CYP2A7: variants seen among roughly 807,000 people sequenced by gnomAD.
CYP2A7 encodes cytochrome P450 2A7.
A neutral mutation model predicts 42.0 loss-of-function variants in CYP2A7; 36 were observed. The observed-to-expected ratio is 0.86, with a 90% confidence interval of 0.66 to 1.13. The LOEUF is 1.13. CYP2A7 is among the 50% of genes most tolerant of loss of function. The pLI, the probability that CYP2A7 is intolerant of heterozygous loss-of-function variation, is 0.00. For synonymous variants in CYP2A7, 260 were observed against 249.5 expected (o/e 1.04, Z -0.40); for missense variants, 661 against 634.1 (o/e 1.04, Z -0.46).
rs371177307 is a variant in CYP2A7, at chr19:40,880,102, C to T, written c.636G>A (p.Thr212=). The part of the protein sequence containing the change: ...LSMMLGIFQF[T]STSTGQLYEM... ...CAGTTACCTGCCCCGTGGAGGTTGA[C>T]GTGAACTGGAAGATTCCTAGCATCA... The change falls in exon 4 of 9, where the codon ACG becomes ACA. Residue 212 remains threonine, a synonymous_variant. Coordinates refer to ENST00000301146, the MANE Select transcript of CYP2A7 (RefSeq NM_000764.3). 77 of 1,612,740 alleles carry T rather than the reference C, an allele frequency of 4.8e-5. 4 individuals carry two copies. Among genetic ancestry groups the T allele is most frequent in the Non-Finnish European group, 6.3e-5 (74 of 1,179,204 alleles).
In CYP2A7 at chr19:40,880,490, C is replaced by G; in HGVS notation, c.482G>C (p.Arg161Pro). The stretch of plus-strand genomic sequence containing the variant: ...GGAACCTTACTCACCGTGCGTGCTC[C>G]GGATGGCCTCGATGAGGAAGCCCGA... ...EESGFLIEAI[R>P]STHGANIDPT... Residue 161 changes from arginine to proline, a missense_variant, in exon 3 of 9, where the codon CGG (arginine) becomes CCG (proline). By Grantham distance (103) the Arg-to-Pro change is moderately radical. Transcript: ENST00000301146. 1 of 1,612,510 alleles carries G rather than the reference C, an allele frequency of 6.2e-7. No homozygotes were observed. Among genetic ancestry groups the G allele is most frequent in the Non-Finnish European group, 8.5e-7 (1 of 1,178,946 alleles).
chr19:40,882,116 T>G lies in CYP2A7; in HGVS notation c.95A>C (p.Lys32Thr). 1 of 1,613,960 alleles carries G rather than the reference T, an allele frequency of 6.2e-7. No individual in the cohort carries two copies. Among genetic ancestry groups the G allele is most frequent in the Non-Finnish European group, 8.5e-7 (1 of 1,179,884 alleles). Residue 32 changes from lysine (K) to threonine (T), a missense_variant, in exon 1 of 9, where the codon AAG becomes ACG. Around this residue, in one of 3 missense-constraint regions of CYP2A7, gnomAD observed 614 missense variants for 552.4 expected, o/e 1.11. Coordinates refer to ENST00000301146, the MANE Select transcript of CYP2A7 (RefSeq NM_000764.3). ...SVWQQRKSRG[K>T]LPPGPTPLPF... Reference sequence around the variant, plus strand: ...CAGTGGGGTGGGTCCCGGAGGCAGCTTCCCCCTGCTCTTCCTCTGCTGCCA... The same window carrying G: ...CAGTGGGGTGGGTCCCGGAGGCAGCGTCCCCCTGCTCTTCCTCTGCTGCCA...
intron 4 of CYP2A7, among the ~76,000 whole-genome samples, chr19:40,879,814 T>C (rs969139286): frequency 4.0e-4 from 60 of 150,440 alleles, no homozygotes; most frequent in African/African-American, 1.4e-3. Context: ...TTACGGTAAG[T>C]TGGGGATGGG....
In CYP2A7 at chr19:40,877,928, G is replaced by T; in HGVS notation, c.897C>A (p.Phe299Leu). 6.2e-7 allele frequency: 1 copy of T among 1,612,710 alleles called. No homozygotes were observed. The highest frequency in any genetic ancestry group is 8.5e-7 in the Non-Finnish European group (1 of 1,179,112). Residue 299 changes from phenylalanine (F) to leucine (L), a missense_variant, in exon 6 of 9, where the codon TTC becomes TTA. This residue lies in a region of CYP2A7 where 614 missense variants were observed against 552.4 expected (regional missense o/e 1.11). Coordinates refer to ENST00000301146, the MANE Select transcript of CYP2A7 (RefSeq NM_000764.3). ...KNLMMSTLNL[F>L]IAGTETVSTT... ...TGCTGACCGTCTCGGTGCCTGCAAT[G>T]AAGAGGTTCAACGTGCTCATCATCA...
intron 5 of CYP2A7, among the ~76,000 whole-genome samples, chr19:40,878,199 T>G (rs747377632): frequency 6.6e-6 from 1 of 151,602 alleles, no homozygotes; most frequent in Non-Finnish European, 1.5e-5. Flanking sequence ...TTCTTTACGT[T>G]GCTGACCATC....
chr19:40,878,277 C>A (rs1967581227), intron 5 of CYP2A7, among the ~76,000 whole-genome samples: 1 of 151,712 alleles, frequency 6.6e-6, no homozygotes, highest in South Asian at 2.1e-4. Flanking sequence ...TGCTAAGTTG[C>A]ACAGGCTGGA....
At chr19:40,880,850 A>AGG in intron 2 of CYP2A7, among the ~76,000 whole-genome samples, 1 of 108,070 alleles carries the variant, frequency 9.3e-6, no homozygotes, top group South Asian at 2.8e-4. Context: ...AGAGAGAGAG[A>AGG]GAGAGAGAGA....
chr19:40,876,294 G>A (rs890129797), intron 8 of CYP2A7: 14 of 655,782 alleles, frequency 2.1e-5, no homozygotes, highest in Middle Eastern at 4.3e-4. Flanking sequence ...GGAATCTGCT[G>A]TGTGACCCTA....
rs370933740 is a variant in CYP2A7 at position 40,876,536 on chromosome 19, A to G, written c.1294T>C (p.Phe432Leu). ...QFKKSDAFVP[F>L]SIGKRNCFGE... Reference sequence around the variant, plus strand: ...AACAGTGGTCTCTTACCGATGGAAAAGGGCACAAAAGCATCACTCTTCTTA... The same window carrying G: ...AACAGTGGTCTCTTACCGATGGAAAGGGGCACAAAAGCATCACTCTTCTTA... The change falls in exon 8 of 9, where the codon TTT (phenylalanine) becomes CTT (leucine). Residue 432 changes from phenylalanine to leucine, a missense_variant. Coordinates refer to ENST00000301146, the MANE Select transcript of CYP2A7 (RefSeq NM_000764.3). The G allele has an allele frequency of 6.8e-6, 11 of 1,612,822 alleles. No homozygotes were observed. The highest frequency in any genetic ancestry group is 9.3e-6 in the Non-Finnish European group (11 of 1,179,184).
chr19:40,881,489 G>T (rs1383948530), intron 2 of CYP2A7, 100 bp downstream of exon 2: 4 of 1,572,424 alleles, frequency 2.5e-6, no homozygotes, highest in Non-Finnish European at 2.6e-6. Flanking sequence ...CGGGGGTTCT[G>T]CCATAGCCTC....
intron 2 of CYP2A7, 115 bp downstream of exon 2, chr19:40,881,474 C>G: frequency 6.5e-7 from 1 of 1,544,850 alleles, no homozygotes; most frequent in African/African-American, 1.4e-5. Context: ...GAGATAAGAC[C>G]AGACCGGGGG....
Position 40,875,858 on chromosome 19 carries a change from G to C in CYP2A7, c.1320C>G (p.Phe440Leu), listed in dbSNP as rs529128750. 2.0e-5 allele frequency: 31 copies of C among 1,557,952 alleles called. No homozygotes were observed. The African/African-American group carries it at 3.0e-4, about 15-fold the overall frequency. Residue 440 changes from phenylalanine to leucine, a missense_variant, in exon 9 of 9, where the codon TTC (phenylalanine) becomes TTG (leucine). Coordinates refer to ENST00000301146, the MANE Select transcript of CYP2A7 (RefSeq NM_000764.3). ...GCTCCATTCTGGCCAGGCCTTCTCC[G>C]AAACAGTTCCGCTTTCCTGAGGAGG... ...VPFSIGKRNC[F>L]GEGLARMELF...
rs376820255 is a variant in CYP2A7 at position 40,880,479 on chromosome 19, C to T, written c.493G>A (p.Gly165Ser). The T allele has an allele frequency of 1.2e-5, 19 of 1,612,330 alleles. 1 individual carries two copies. Among genetic ancestry groups the T allele is most frequent in the African/African-American group, 4.0e-5 (3 of 74,846 alleles). Residue 165 changes from glycine to serine, a missense_variant and splice_region_variant, in exon 3 of 9, where the codon GGC becomes AGC. By Grantham distance (56) the Gly-to-Ser change is moderately conservative. This residue lies in a region of CYP2A7 where 614 missense variants were observed against 552.4 expected (regional missense o/e 1.11). Transcript: ENST00000301146. ...FLIEAIRSTH[G>S]ANIDPTFFLS... Reference sequence around the variant, plus strand: ...CCCGCACTCGGGGAACCTTACTCACCGTGCGTGCTCCGGATGGCCTCGATG... The same window carrying T: ...CCCGCACTCGGGGAACCTTACTCACTGTGCGTGCTCCGGATGGCCTCGATG...
rs1254848848 is a variant in CYP2A7, at chr19:40,881,748, T to C, written c.184A>G (p.Ser62Gly). The change falls in exon 2 of 9, where the codon AGT becomes GGT. Residue 62 changes from serine (S) to glycine (G), a missense_variant. This residue lies in a region of CYP2A7 where 614 missense variants were observed against 552.4 expected (regional missense o/e 1.11). Coordinates refer to ENST00000301146, the MANE Select transcript of CYP2A7 (RefSeq NM_000764.3). The stretch of plus-strand genomic sequence containing the variant: ...GTGAACACGGGGCCATAGCACTCAC[T>C]GAACTGATGGAGGCGAGTGGGAGTG... ...EHICDSIMKF[S>G]ECYGPVFTIH... 1.3e-6 allele frequency: 2 copies of C among 1,584,800 alleles called. No individual in the cohort carries two copies. The highest frequency in any genetic ancestry group is 2.3e-5 in the South Asian group (2 of 85,928).
At position 40,880,084 on chromosome 19, in the gene CYP2A7, C is replaced by T. The variant is rs746264245; in HGVS notation, c.654G>A (p.Gln218=). The change falls in exon 4 of 9, where the codon CAG becomes CAA. Residue 218 remains glutamine, a splice_region_variant and synonymous_variant. Coordinates refer to ENST00000301146, the MANE Select transcript of CYP2A7 (RefSeq NM_000764.3). ...CACGGGCCGGGCTGCAGCCAGTTAC[C>T]TGCCCCGTGGAGGTTGACGTGAACT... is the stretch of plus-strand genomic sequence containing the variant. ...IFQFTSTSTG[Q]LYEMFSSVMK... 20 of 1,612,678 alleles carry T rather than the reference C, an allele frequency of 1.2e-5. 1 individual carries two copies. Among genetic ancestry groups the T allele is most frequent in the Non-Finnish European group, 1.7e-5 (20 of 1,179,024 alleles).
At chr19:40,878,480 T>C (rs10404300) in intron 5 of CYP2A7, among the ~76,000 whole-genome samples, 1 of 151,080 alleles carries the variant, frequency 6.6e-6, no homozygotes. Flanking sequence ...CTGCCCCCCT[T>C]CGCGCCACCA....
chr19:40,878,696 C>T lies in CYP2A7; in HGVS notation c.831+64G>A, dbSNP rs1489042933. ...ACGGGTCTGTGTCGTCTGCCCGCCC[C>T]ACTCCCAGTCTGATTTCCCTCTGCC... is the stretch of plus-strand genomic sequence containing the variant. On this transcript the variant is annotated intron_variant, in intron 5 of 8. Transcript: ENST00000301146. 5.7e-6 allele frequency: 9 copies of T among 1,592,412 alleles called. No individual in the cohort carries two copies. The East Asian group carries it at 8.9e-5, about 16-fold the overall frequency.
chr19:40,876,869 T>A, intron 7 of CYP2A7: 1 of 768,424 alleles, frequency 1.3e-6, no homozygotes, highest in Non-Finnish European at 2.1e-6. Context: ...ATGGGGTCCA[T>A]GTCTTGCTAC....
intron 4 of CYP2A7, among the ~76,000 whole-genome samples, chr19:40,879,627 C>G (rs573867810): frequency 1.3e-5 from 2 of 151,332 alleles, no homozygotes; most frequent in Non-Finnish European, 3.0e-5. Context: ...AAGTAGAGGG[C>G]GCTTGGCCAG....
Sources: allele counts gnomAD v4.1 joint callset (sites outside exome capture counted in the v4.1 genomes callset), GRCh38; gene constraint gnomAD v4.1.1; regional missense constraint gnomAD v4.1.1; transcripts MANE v1.5; gene names NCBI Gene and HGNC (gene_info 2026-07-23, HGNC 2026-07-21).